The following AZIN2 variants were observed in gnomAD, a reference collection of about 807,000 sequenced individuals.
AZIN2 encodes the protein ODC antizyme inhibitor-2.
AZIN2 carries 28 observed loss-of-function variants against 47.8 expected under a neutral mutation model. The observed-to-expected ratio is 0.59, with a 90% CI of 0.43 to 0.80. AZIN2 has a LOEUF of 0.80. Ranked by LOEUF, AZIN2 falls within the 30% of genes least tolerant of loss-of-function variation. AZIN2 has a pLI of 0.00. For synonymous variants in AZIN2, 221 were observed against 239.4 expected (o/e 0.92, Z 0.71); for missense variants, 535 against 582.5 (o/e 0.92, Z 0.84).
intron 10 of AZIN2, among the ~76,000 whole-genome samples, chr1:33,105,813 G>A (rs1428077334): frequency 6.6e-6 from 1 of 152,186 alleles, no homozygotes; most frequent in Non-Finnish European, 1.5e-5. Context: ...TTGGTATAGG[G>A]TGGAATCAAG....
chr1:33,148,871 A>G, the AZIN2 span, among the ~76,000 whole-genome samples: 4 of 152,228 alleles, frequency 2.6e-5, no homozygotes, highest in Non-Finnish European at 5.9e-5. Context: ...GAGGGGAGAC[A>G]TGACAAACTT....
chr1:33,128,371 C>T (rs1644871574), downstream of AZIN2, among the ~76,000 whole-genome samples: 7 of 152,066 alleles, frequency 4.6e-5, no homozygotes. Context: ...AGTGAGACCT[C>T]GTCTCCAAAA....
At chr1:33,103,882 G>T (rs934527338) in intron 10 of AZIN2, among the ~76,000 whole-genome samples, 1 of 151,514 alleles carries the variant, frequency 6.6e-6, no homozygotes, top group African/African-American at 2.4e-5. Flanking sequence ...GAATTAAATA[G>T]ATCTTTTTTT....
intron 10 of AZIN2, among the ~76,000 whole-genome samples, chr1:33,100,344 G>T (rs949446088): frequency 5.3e-5 from 8 of 150,626 alleles, no homozygotes; most frequent in African/African-American, 1.7e-4. Flanking sequence ...AGAAAGAAAA[G>T]AAAAAAAGTT....
chr1:33,159,001 C>T, the AZIN2 span, among the ~76,000 whole-genome samples: 6 of 151,990 alleles, frequency 3.9e-5, no homozygotes, highest in Non-Finnish European at 5.9e-5. The surrounding 1 kb of genome is among the most constrained non-coding windows in gnomAD (Gnocchi z 4.2). Context: ...CCACCACGCC[C>T]GGCTAATTTT....
Position 33,118,030 on chromosome 1 carries a change from C to G in AZIN2, c.1158C>G (p.Asn386Lys). ...LHVGDWLVFD[N>K]MGAYTVGMGS... ...TAGGGGACTGGCTGGTCTTTGACAACATGGGCGCCTACACTGTGGGCATGG... is the reference window on the plus strand; with the variant it reads ...TAGGGGACTGGCTGGTCTTTGACAAGATGGGCGCCTACACTGTGGGCATGG... Residue 386 changes from asparagine to lysine, a missense_variant, in exon 11 of 12, where the codon AAC becomes AAG. Coordinates refer to ENST00000294517, the MANE Select transcript of AZIN2 (RefSeq NM_052998.4). 1 of 1,577,344 alleles carries G rather than the reference C, an allele frequency of 6.3e-7. No homozygotes were observed. The highest frequency in any genetic ancestry group is 8.6e-7 in the Non-Finnish European group (1 of 1,163,174).
At chr1:33,093,696 AC>A (rs1047060787) in intron 7 of AZIN2, among the ~76,000 whole-genome samples, 36 of 150,326 alleles carry the variant, frequency 2.4e-4, no homozygotes, top group African/African-American at 8.6e-4. Context: ...TTTTGCAGCT[AC>A]ACTCTTGAGG....
intron 4 of AZIN2, 120 bp from the exon 5 acceptor site, chr1:33,083,831 TAGC>T (rs938798304): frequency 8.2e-7 from 1 of 1,215,186 alleles, no homozygotes. Context: ...CCAGAAAACT[TAGC>T]AGCAGGGTAG....
chr1:33,126,758 G>A (rs910046592), downstream of AZIN2, among the ~76,000 whole-genome samples: 1 of 152,130 alleles, frequency 6.6e-6, no homozygotes, highest in African/African-American at 2.4e-5. Flanking sequence ...AGGTGACCTT[G>A]GGGTAGGATC....
chr1:33,113,766 T>C lies in AZIN2; in HGVS notation c.1030-4136T>C, dbSNP rs1644392941. On this transcript the variant is annotated intron_variant, in intron 10 of 11. Transcript: ENST00000294517. This position sits in a 1 kb window ranked among gnomAD's most constrained non-coding sequence, Gnocchi z 4.1. ...TGAACTTCAGTGTATCTCAATGAAGTCAGAGTTGGATCATTATTTAAAATA... is the reference window on the plus strand; with the variant it reads ...TGAACTTCAGTGTATCTCAATGAAGCCAGAGTTGGATCATTATTTAAAATA... Among the ~76,000 whole-genome samples, 1 of 152,222 alleles carries C rather than the reference T, an allele frequency of 6.6e-6. No homozygotes were observed.
At chr1:33,158,254 T>C in the AZIN2 span, 1 of 1,613,684 alleles carries the variant, frequency 6.2e-7, no homozygotes, top group Non-Finnish European at 8.5e-7. Flanking sequence ...ATGCCTTACC[T>C]GGGTGGATGT....
the AZIN2 span, among the ~76,000 whole-genome samples, chr1:33,132,007 C>T: frequency 6.6e-6 from 1 of 152,260 alleles, no homozygotes; most frequent in Admixed American, 6.5e-5. Flanking sequence ...GGAGCAGGCT[C>T]GAGGGGCCTT....
chr1:33,155,022 G>A, the AZIN2 span, among the ~76,000 whole-genome samples: 3 of 148,684 alleles, frequency 2.0e-5, no homozygotes, highest in African/African-American at 7.4e-5. Flanking sequence ...GAACCCGGGA[G>A]GCAGACCTTG....
the AZIN2 span, among the ~76,000 whole-genome samples, chr1:33,159,518 A>G: frequency 6.6e-6 from 1 of 152,274 alleles, no homozygotes; most frequent in African/African-American, 2.4e-5. The surrounding 1 kb of genome is among the most constrained non-coding windows in gnomAD (Gnocchi z 4.2). Context: ...CACTGGCTTC[A>G]TACTCAAGGC....
chr1:33,166,019 T>G, the AZIN2 span: 1 of 152,882 alleles, frequency 6.5e-6, no homozygotes, highest in African/African-American at 2.4e-5. Context: ...TCCTCATCGC[T>G]GGCATTACCA....
the AZIN2 span, among the ~76,000 whole-genome samples, chr1:33,155,541 T>C: frequency 2.0e-5 from 3 of 152,120 alleles, no homozygotes; most frequent in African/African-American, 7.2e-5. Flanking sequence ...GGTCAGAGAA[T>C]GGCCAGTGAG....
the AZIN2 span, among the ~76,000 whole-genome samples, chr1:33,129,410 G>T: frequency 6.6e-6 from 1 of 152,074 alleles, no homozygotes; most frequent in African/African-American, 2.4e-5. This position sits in a 1 kb window ranked among gnomAD's most constrained non-coding sequence, Gnocchi z 4.1. Context: ...TGATAAAGGC[G>T]GTACACAGAC....
rs868310216 is a variant in AZIN2 at position 33,122,583 on chromosome 1, G to A, written c.*2401G>A. Among the ~76,000 whole-genome samples, 11 of 152,148 alleles carry A rather than the reference G, an allele frequency of 7.2e-5. No individual in the cohort carries two copies. Among genetic ancestry groups the A allele is most frequent in the Admixed American group, 2.0e-4 (3 of 15,282 alleles). On this transcript the variant is annotated 3_prime_UTR_variant, in exon 12 of 12. Transcript: ENST00000294517. ...GCTTGTGCAGGCGAATCTAAGCAGG[G>A]GTCTCCTGGACCCCTGGCTGCATGG...
chr1:33,165,917 TG>T, the AZIN2 span: 3 of 177,150 alleles, frequency 1.7e-5, no homozygotes. The surrounding 1 kb of genome is among the most constrained non-coding windows in gnomAD (Gnocchi z 4.0). Flanking sequence ...AGGCCACAGG[TG>T]GGTATTGGTC....
Sources: gnomAD v4.1 joint callset for allele counts (sites outside exome capture counted in the v4.1 genomes callset) on GRCh38, gnomAD v4.1.1 for gene constraint, Gnocchi (gnomAD v3.1) non-coding constraint, MANE v1.5 for transcripts, NCBI Gene and HGNC (gene_info 2026-07-23, HGNC 2026-07-21) for gene names.